Variants in ANKRD17 observed in about 807,000 individuals in gnomAD.
The protein encoded by ANKRD17 is ankyrin repeat domain-containing protein 17.
Under a neutral mutation model 229.7 loss-of-function variants are expected in ANKRD17, and 19 were observed. That is an observed-to-expected ratio of 0.08 (90% CI 0.06 to 0.12). ANKRD17 has a LOEUF of 0.12. Among genes scored for constraint, ANKRD17 ranks in the 10% least tolerant of loss-of-function variants. The pLI is 1.00. For synonymous variants in ANKRD17, 1,112 were observed against 1,146.1 expected (o/e 0.97, Z 0.60); for missense variants, 2,176 against 3,176.8 (o/e 0.68, Z 7.57).
chr4:73,254,917 T>C (rs778919834), intron 1 of ANKRD17, among the ~76,000 whole-genome samples: 8 of 152,244 alleles, frequency 5.3e-5, no homozygotes, highest in Admixed American at 2.6e-4. Context: ...GCAATTTAAT[T>C]AATTTTGTCC....
At chr4:73,235,273 G>A (rs1163598028) in intron 1 of ANKRD17, among the ~76,000 whole-genome samples, 1 of 152,140 alleles carries the variant, frequency 6.6e-6, no homozygotes, top group Non-Finnish European at 1.5e-5. Flanking sequence ...CATCTCCTTT[G>A]AGTGACAGTC....
intron 28 of ANKRD17, among the ~76,000 whole-genome samples, chr4:73,092,565 C>T (rs1227080353): frequency 1.3e-5 from 2 of 152,074 alleles, no homozygotes; most frequent in Non-Finnish European, 2.9e-5. Flanking sequence ...TTCAAAAATA[C>T]ATTTCACTAT....
intron 2 of ANKRD17, among the ~76,000 whole-genome samples, chr4:73,169,714 C>T (rs1184020747): frequency 6.6e-6 from 1 of 152,206 alleles, no homozygotes; most frequent in Non-Finnish European, 1.5e-5. Context: ...ACACCCCTCC[C>T]TAATCCCCTA....
intron 3 of ANKRD17, among the ~76,000 whole-genome samples, chr4:73,156,741 G>GT (rs1731715864): frequency 6.6e-6 from 1 of 152,018 alleles, no homozygotes; most frequent in South Asian, 2.1e-4. Flanking sequence ...CACCATGATT[G>GT]TAAGTTTTCT....
At chr4:73,256,753 C>T (rs1295280439) in intron 1 of ANKRD17, among the ~76,000 whole-genome samples, 2 of 152,110 alleles carry the variant, frequency 1.3e-5, no homozygotes, top group East Asian at 1.9e-4. Flanking sequence ...TTTCAAATGC[C>T]GCCAGAGCAA....
intron 31 of ANKRD17, among the ~76,000 whole-genome samples, chr4:73,078,275 G>A (rs936461405): frequency 1.3e-5 from 2 of 152,204 alleles, no homozygotes; most frequent in Non-Finnish European, 2.9e-5. Context: ...TACTTGGGAG[G>A]ATGAGGCAGG....
intron 24 of ANKRD17, among the ~76,000 whole-genome samples, chr4:73,105,805 A>C (rs1221395222): frequency 6.6e-6 from 1 of 152,196 alleles, no homozygotes; most frequent in Non-Finnish European, 1.5e-5. Flanking sequence ...AAAAAGTTCC[A>C]TTAGGATAGA....
chr4:73,091,822 T>C lies in ANKRD17; in HGVS notation c.5806A>G (p.Arg1936Gly), dbSNP rs757731357. 1 of 1,614,212 alleles carries C rather than the reference T, an allele frequency of 6.2e-7. No individual in the cohort carries two copies. Among genetic ancestry groups the C allele is most frequent in the South Asian group, 1.1e-5 (1 of 91,078 alleles). The change falls in exon 29 of 34, where the codon AGA becomes GGA. Residue 1936 changes from arginine to glycine, a missense_variant. Coordinates refer to ENST00000358602, the MANE Select transcript of ANKRD17 (RefSeq NM_032217.5). ...PFPVRPLSPA[R>G]ATNSPKPHMV... Reference sequence around the variant, plus strand: ...TGAGGCTTAGGCGAGTTAGTAGCTCTGGCAGGGCTCAAAGGCCTGACAGGA... The same window carrying C: ...TGAGGCTTAGGCGAGTTAGTAGCTCCGGCAGGGCTCAAAGGCCTGACAGGA...
At position 73,091,085 on chromosome 4, in the gene ANKRD17, G is replaced by C; in HGVS notation, c.6543C>G (p.Pro2181=). ...TGTGAGGGGCAGTTGTGCCATGAGG[G>C]GGTGGTCTAATAGCAGGGGTTTCCA... ...PKMETPAIRP[P]PHGTTAPHKN... is the part of the protein sequence containing the mutation. Residue 2181 remains proline, a synonymous_variant, in exon 29 of 34, where the codon CCC becomes CCG. Coordinates refer to ENST00000358602, the MANE Select transcript of ANKRD17 (RefSeq NM_032217.5). 1 of 1,614,180 alleles carries C rather than the reference G, an allele frequency of 6.2e-7. No homozygotes were observed. The highest frequency in any genetic ancestry group is 1.1e-5 in the South Asian group (1 of 91,080).
chr4:73,141,892 A>C, intron 13 of ANKRD17, 49 bp from the exon 14 acceptor site: 1 of 1,370,328 alleles, frequency 7.3e-7, no homozygotes, highest in South Asian at 1.2e-5. Flanking sequence ...ACAATCCATT[A>C]AGTAATATGC....
intron 1 of ANKRD17, among the ~76,000 whole-genome samples, chr4:73,245,921 C>A (rs941143627): frequency 3.9e-5 from 6 of 152,156 alleles, no homozygotes; most frequent in African/African-American, 1.4e-4. Flanking sequence ...GTTTTACCAA[C>A]AAACTACATT....
chr4:73,140,183 A>T lies in ANKRD17; in HGVS notation c.2433T>A (p.Ala811=). Reference sequence around the variant, plus strand: ...GTTCCAGTTCTGTTAACTTTCCCTGAGCCTCTTCTACAATGCTCTCTGGAG... The same window carrying T: ...GTTCCAGTTCTGTTAACTTTCCCTGTGCCTCTTCTACAATGCTCTCTGGAG... ...NQSPESIVEE[A]QGKLTELEQR... The change falls in exon 15 of 34, where the codon GCT becomes GCA. Residue 811 remains alanine, a synonymous_variant. Transcript: ENST00000358602. 1 of 1,614,078 alleles carries T rather than the reference A, an allele frequency of 6.2e-7. No individual in the cohort carries two copies. Among genetic ancestry groups the T allele is most frequent in the Non-Finnish European group, 8.5e-7 (1 of 1,180,022 alleles).
At chr4:73,105,109 A>C (rs1724458844) in intron 24 of ANKRD17, among the ~76,000 whole-genome samples, 1 of 152,178 alleles carries the variant, frequency 6.6e-6, no homozygotes, top group Admixed American at 6.5e-5. Context: ...GCACTAATTC[A>C]GAGGTCCTAG....
At position 73,125,227 on chromosome 4, in the gene ANKRD17, G is replaced by C; in HGVS notation, c.3320C>G (p.Ala1107Gly). 6.2e-7 allele frequency: 1 copy of C among 1,613,342 alleles called. No homozygotes were observed. The highest frequency in any genetic ancestry group is 8.5e-7 in the Non-Finnish European group (1 of 1,179,786). ...ELVQTLLERGASIEHRDKKGF... is the reference protein window; with the variant it reads ...ELVQTLLERGGSIEHRDKKGF... ...TTTCTTGTCTCGGTGCTCTATACTA[G>C]CTCCTCTCTCTAGCAGTGTTTGTAC... is the stretch of plus-strand genomic sequence containing the variant. Residue 1107 changes from alanine (A) to glycine (G), a missense_variant, in exon 17 of 34, where the codon GCT (alanine) becomes GGT (glycine). Transcript: ENST00000358602.
intron 1 of ANKRD17, chr4:73,223,107 G>A: frequency 1.4e-6 from 2 of 1,467,042 alleles, no homozygotes; most frequent in Non-Finnish European, 1.8e-6. Context: ...GTCAGCAAGG[G>A]AACAGGAAAT....
At chr4:73,111,089 T>C (rs1725260702) in intron 24 of ANKRD17, among the ~76,000 whole-genome samples, 2 of 152,192 alleles carry the variant, frequency 1.3e-5, no homozygotes, top group African/African-American at 2.4e-5. Flanking sequence ...TTATCCATGA[T>C]GAGTAAGTAC....
At chr4:73,188,503 TG>T (rs1341900534) in intron 1 of ANKRD17, among the ~76,000 whole-genome samples, 2 of 152,024 alleles carry the variant, frequency 1.3e-5, no homozygotes, top group African/African-American at 4.8e-5. Flanking sequence ...AAGAATTGCT[TG>T]AACCCGGGAG....
chr4:73,195,645 A>G (rs926926258), intron 1 of ANKRD17, among the ~76,000 whole-genome samples: 1 of 151,918 alleles, frequency 6.6e-6, no homozygotes, highest in African/African-American at 2.4e-5. Context: ...AGTAGCTGAG[A>G]CTACAGGCGC....
intron 2 of ANKRD17, among the ~76,000 whole-genome samples, chr4:73,173,700 A>C (rs1382751738): frequency 1.3e-5 from 2 of 152,226 alleles, no homozygotes; most frequent in Non-Finnish European, 2.9e-5. Flanking sequence ...CTGAAAATCC[A>C]GATCACAGGA....
Sources: allele counts gnomAD v4.1 joint callset (sites outside exome capture counted in the v4.1 genomes callset), GRCh38; gene constraint gnomAD v4.1.1; transcripts MANE v1.5; gene names NCBI Gene and HGNC (gene_info 2026-07-23, HGNC 2026-07-21).